DENND1A: variants seen among roughly 807,000 people sequenced by gnomAD.
DENND1A encodes DENN domain containing 1A.
DENND1A carries 51 observed loss-of-function variants against 113.7 expected under a neutral mutation model. The ratio of observed to expected loss-of-function variants is 0.45; its 90% CI spans 0.36 to 0.57. The LOEUF is 0.57. Among genes scored for constraint, DENND1A ranks in the 20% least tolerant of loss-of-function variants. The pLI is 0.00. For missense variants in DENND1A, 1,258 were observed against 1,395.9 expected (o/e 0.90, Z 1.57); for synonymous variants, 565 against 570.8 (o/e 0.99, Z 0.14).
rs2049684759 is a variant in DENND1A, at chr9:123,474,004, T to C, written c.994-16107A>G. 2.1e-5 allele frequency among the ~76,000 whole-genome samples: 3 copies of C among 139,892 alleles called. No individual in the cohort carries two copies. In the South Asian group the frequency reaches 7.4e-4, roughly 35 times the overall value. 91.8% of individuals were successfully genotyped at this position (139,892 alleles called of 152,430 possible). ...TTTCTTTCTTTTTTTTTTTTTTTTT[T>C]TTTTTTTTGAGATGGAGTCTCGCTC... On this transcript the variant is annotated intron_variant, in intron 13 of 23. Coordinates refer to ENST00000394215, the MANE Select transcript of DENND1A (RefSeq NM_001352964.2).
At chr9:123,633,557 T>C (rs2061572583) in intron 9 of DENND1A, among the ~76,000 whole-genome samples, 1 of 152,080 alleles carries the variant, frequency 6.6e-6, no homozygotes, top group African/African-American at 2.4e-5. Flanking sequence ...GGCGGATCAC[T>C]TGAGATCAGG....
chr9:123,666,915 C>G, intron 8 of DENND1A, 111 bp downstream of exon 8: 1 of 1,086,828 alleles, frequency 9.2e-7, no homozygotes, highest in Non-Finnish European at 1.3e-6. Context: ...TTTTTAAAAA[C>G]CATAATTTTT....
intron 18 of DENND1A, among the ~76,000 whole-genome samples, chr9:123,442,304 T>C (rs923223490): frequency 6.6e-6 from 1 of 152,214 alleles, no homozygotes; most frequent in Non-Finnish European, 1.5e-5. Context: ...TGGCCCACGT[T>C]TGATCAACCA....
intron 5 of DENND1A, among the ~76,000 whole-genome samples, chr9:123,701,898 A>G (rs1011820034): frequency 4.6e-5 from 7 of 152,234 alleles, no homozygotes; most frequent in Admixed American, 4.6e-4. Flanking sequence ...CAATGTACAG[A>G]AGGTCAATGC....
chr9:123,384,664 T>C (rs2042463824), intron 22 of DENND1A, among the ~76,000 whole-genome samples: 1 of 152,154 alleles, frequency 6.6e-6, no homozygotes, highest in Non-Finnish European at 1.5e-5. Context: ...CTTGCAGTCA[T>C]TGGCTGGGCA....
At chr9:123,849,001 C>G (rs1842985832) in intron 2 of DENND1A, among the ~76,000 whole-genome samples, 2 of 152,126 alleles carry the variant, frequency 1.3e-5, no homozygotes, top group Admixed American at 1.3e-4. Context: ...GGGAAAATGC[C>G]ATCTCCATAA....
rs759037748 is a variant in DENND1A at position 123,450,684 on chromosome 9, T to C, written c.1356+9A>G. The C allele has an allele frequency of 6.2e-7, 1 of 1,609,774 alleles. No individual in the cohort carries two copies. Among genetic ancestry groups the C allele is most frequent in the East Asian group, 2.2e-5 (1 of 44,808 alleles). ...GTGCTTATACATTTTGAATAAGAAC[T>C]TCAAGTACCTTTTGCTTCAAGCGGT... On this transcript the variant is annotated intron_variant, in intron 18 of 23. Coordinates refer to ENST00000394215, the MANE Select transcript of DENND1A (RefSeq NM_001352964.2).
At chr9:123,452,103 A>C (rs548380389) in intron 17 of DENND1A, among the ~76,000 whole-genome samples, 173 bp downstream of exon 17, 46 of 150,598 alleles carry the variant, frequency 3.1e-4, no homozygotes, top group African/African-American at 9.5e-4. Flanking sequence ...CTGAGGTGGG[A>C]GGATTGCTTG....
chr9:123,482,520 G>A (rs961126988), intron 13 of DENND1A, among the ~76,000 whole-genome samples: 2 of 152,326 alleles, frequency 1.3e-5, no homozygotes, highest in Non-Finnish European at 2.9e-5. Context: ...CCTATGGGAA[G>A]CCTTTCCCAA....
rs188124112 is a variant in DENND1A at position 123,584,521 on chromosome 9, A to T, written c.766-1251T>A. Among the ~76,000 whole-genome samples, 293 of 152,352 alleles carry T rather than the reference A, an allele frequency of 1.9e-3. 2 individuals carry two copies. Among genetic ancestry groups the T allele is most frequent in the African/African-American group, 6.7e-3 (280 of 41,574 alleles). ...GGCTGGCAACAGAGGCAGACATCCAATGGCTGCTCAAGCTCCAGTTTCCAA... is the reference window on the plus strand; with the variant it reads ...GGCTGGCAACAGAGGCAGACATCCATTGGCTGCTCAAGCTCCAGTTTCCAA... On this transcript the variant is annotated intron_variant, in intron 11 of 23. Transcript: ENST00000394215.
At chr9:123,402,695 G>A in intron 21 of DENND1A, 1 of 504,058 alleles carries the variant, frequency 2.0e-6, no homozygotes, top group South Asian at 1.5e-5. Flanking sequence ...ACAAAGGGAA[G>A]CAGTGCTACC....
chr9:123,873,825 C>A (rs1410893395), intron 2 of DENND1A, among the ~76,000 whole-genome samples: 3 of 152,040 alleles, frequency 2.0e-5, no homozygotes, highest in African/African-American at 7.2e-5. Context: ...TCACTGCAAG[C>A]TCCGCCTCCC....
chr9:123,662,351 C>T (rs909539942), intron 8 of DENND1A, among the ~76,000 whole-genome samples: 5 of 152,152 alleles, frequency 3.3e-5, no homozygotes, highest in Non-Finnish European at 7.3e-5. Flanking sequence ...CAATTGAGGT[C>T]AGGAGTTCAA....
chr9:123,648,368 T>C (rs1186491953), intron 9 of DENND1A, among the ~76,000 whole-genome samples: 2 of 152,266 alleles, frequency 1.3e-5, no homozygotes, highest in African/African-American at 2.4e-5. Flanking sequence ...TAAGTCATTG[T>C]GCCCAGCCAT....
chr9:123,530,848 CAATA>C (rs1319194610), intron 13 of DENND1A, among the ~76,000 whole-genome samples: 4 of 151,966 alleles, frequency 2.6e-5, no homozygotes, highest in Non-Finnish European at 4.4e-5. Context: ...AAGAGATTAA[CAATA>C]ATTAATAAAA....
chr9:123,484,200 T>C (rs1371102052), intron 13 of DENND1A, among the ~76,000 whole-genome samples: 1 of 152,178 alleles, frequency 6.6e-6, no homozygotes, highest in Non-Finnish European at 1.5e-5. Flanking sequence ...ATCTTCTATC[T>C]AGCAGGACAC....
intron 3 of DENND1A, among the ~76,000 whole-genome samples, chr9:123,789,706 A>G (rs939383514): frequency 6.6e-6 from 1 of 152,130 alleles, no homozygotes; most frequent in Non-Finnish European, 1.5e-5. Context: ...CTCTAAAGGC[A>G]GTGCTAGCTT....
At chr9:123,889,549 CAATA>C (rs1302361995) in intron 1 of DENND1A, among the ~76,000 whole-genome samples, 1 of 151,748 alleles carries the variant, frequency 6.6e-6, no homozygotes, top group African/African-American at 2.4e-5. Flanking sequence ...TTAGTCTAGG[CAATA>C]AATAAAGGGA....
rs372227004 is a variant in DENND1A at position 123,929,472 on chromosome 9, T to A, written c.17+417A>T. 2.2e-4 allele frequency among the ~76,000 whole-genome samples: 33 copies of A among 152,268 alleles called. No homozygotes were observed. The East Asian group carries it at 2.7e-3, about 13-fold the overall frequency. On this transcript the variant is annotated intron_variant, in intron 1 of 23. Transcript: ENST00000394215. ...GCGACTTCTGTGGGGGCCGCAGGCC[T>A]CAAGCGGCCAGGCTGCAACCTCTCC...
Sources: gnomAD v4.1 joint callset for allele counts (sites outside exome capture counted in the v4.1 genomes callset) on GRCh38, gnomAD v4.1.1 for gene constraint, MANE v1.5 for transcripts, NCBI Gene and HGNC (gene_info 2026-07-23, HGNC 2026-07-21) for gene names.